DUOX1: variants seen among roughly 807,000 people sequenced by gnomAD.
DUOX1 encodes the protein NADPH thyroid oxidase 1.
DUOX1 carries 134 observed loss-of-function variants against 181.8 expected under a neutral mutation model. The observed-to-expected ratio is 0.74, with a 90% CI of 0.64 to 0.85. The LOEUF is 0.85. Ranked by LOEUF, DUOX1 falls within the 40% of genes least tolerant of loss-of-function variation. DUOX1 has a pLI of 0.00. For missense variants in DUOX1, 1,814 were observed against 2,064.4 expected (o/e 0.88, Z 2.35); for synonymous variants, 798 against 832.5 (o/e 0.96, Z 0.71).
chr15:45,141,930 C>T, intron 14 of DUOX1, 45 bp from the exon 15 acceptor site: 1 of 1,579,572 alleles, frequency 6.3e-7, no homozygotes, highest in Non-Finnish European at 8.6e-7. Context: ...TGTGCCAGCA[C>T]CTGTGGCCCA....
rs760437400 is a variant in DUOX1, at chr15:45,162,205, G to T, written c.4090-14G>T. 4 of 1,593,872 alleles carry T rather than the reference G, an allele frequency of 2.5e-6. No individual in the cohort carries two copies. Among genetic ancestry groups the T allele is most frequent in the Non-Finnish European group, 3.4e-6 (4 of 1,168,552 alleles). On this transcript the variant is annotated splice_polypyrimidine_tract_variant and intron_variant, in intron 30 of 33. Coordinates refer to ENST00000389037, the MANE Select transcript of DUOX1 (RefSeq NM_175940.3). ...GTGGCCAAGCTTAACTGAAACCCAC[G>T]CCCCTCCCTACAGCTGTACCTTGAT...
At chr15:45,140,513 C>T (rs138598069) in intron 12 of DUOX1, 208 of 180,898 alleles carry the variant, frequency 1.1e-3, no homozygotes, top group Non-Finnish European at 1.2e-3. Flanking sequence ...TATAATCAGG[C>T]ATTTGATTAA....
chr15:45,137,770 C>T (rs1461709864), intron 9 of DUOX1, among the ~76,000 whole-genome samples, 154 bp from the exon 10 acceptor site: 1 of 152,036 alleles, frequency 6.6e-6, no homozygotes, highest in Non-Finnish European at 1.5e-5. Flanking sequence ...TTCCAAAAGT[C>T]AGACCCTCCA....
At chr15:45,156,164 C>A (rs1349900451) in intron 28 of DUOX1, among the ~76,000 whole-genome samples, 1 of 152,186 alleles carries the variant, frequency 6.6e-6, no homozygotes, top group Non-Finnish European at 1.5e-5. Context: ...AGCAGCCCTG[C>A]CAGACTGATC....
In DUOX1 at chr15:45,148,413, T is replaced by A; in HGVS notation, c.2784T>A (p.Asn928Lys). The change falls in exon 21 of 34, where the codon AAT (asparagine) becomes AAA (lysine). Residue 928 changes from asparagine to lysine, a missense_variant. Around this residue, in one of 5 missense-constraint regions of DUOX1, gnomAD observed 1,064 missense variants for 1,152.9 expected, o/e 0.92. Transcript: ENST00000389037. Reference protein sequence around the residue: ...EDFHFMLRDHNSELRFTQLCV... With the variant: ...EDFHFMLRDHKSELRFTQLCV... ...TTCACTTCATGCTGCGGGACCACAA[T>A]AGCGAGCTCCGCTTCACGCAGCTCT... 6.2e-7 allele frequency: 1 copy of A among 1,614,066 alleles called. No individual in the cohort carries two copies. Among genetic ancestry groups the A allele is most frequent in the Non-Finnish European group, 8.5e-7 (1 of 1,179,970 alleles).
chr15:45,160,798 G>A (rs777116151), intron 28 of DUOX1, 39 bp from the exon 29 acceptor site: 27 of 1,565,478 alleles, frequency 1.7e-5, no homozygotes, highest in Non-Finnish European at 2.3e-5. Context: ...TCTGCTATGG[G>A]CATCGCTAGG....
In DUOX1 at chr15:45,139,755, A is replaced by T. The variant is rs550251333; in HGVS notation, c.1389+156A>T. 9.2e-5 allele frequency: 78 copies of T among 850,620 alleles called. No individual in the cohort carries two copies. The South Asian group carries it at 1.5e-3, about 16-fold the overall frequency. The allele number at this position is 850,620 out of a possible 1,614,324, so 52.7% of individuals were successfully genotyped here. On this transcript the variant is annotated intron_variant, in intron 12 of 33. Transcript: ENST00000389037. Reference sequence around the variant, plus strand: ...ATCACTTTTCCCAATATTACATATCAGGATGAAGATTACCAGACCAGCAAG... The same window carrying T: ...ATCACTTTTCCCAATATTACATATCTGGATGAAGATTACCAGACCAGCAAG...
At position 45,135,904 on chromosome 15, in the gene DUOX1, G is replaced by A. The variant is rs1158382983; in HGVS notation, c.820G>A (p.Glu274Lys). ...CCAGCACCCAGACTGGGAGGACGAG[G>A]AGCTGTTCCAGCACGCACGCAAGAG... ...ARQHPDWEDE[E>K]LFQHARKRVI... Residue 274 changes from glutamate to lysine, a missense_variant, in exon 7 of 34, where the codon GAG becomes AAG. By Grantham distance (56) the Glu-to-Lys change is moderately conservative. Coordinates refer to ENST00000389037, the MANE Select transcript of DUOX1 (RefSeq NM_175940.3). 6.8e-7 allele frequency: 1 copy of A among 1,464,830 alleles called. No individual in the cohort carries two copies. Among genetic ancestry groups the A allele is most frequent in the Admixed American group, 2.0e-5 (1 of 48,922 alleles). 90.7% of individuals were successfully genotyped at this position (1,464,830 alleles called of 1,614,324 possible).
intron 15 of DUOX1, 100 bp from the exon 16 acceptor site, chr15:45,143,090 G>T (rs1896550219): frequency 6.0e-6 from 5 of 837,952 alleles, no homozygotes; most frequent in Non-Finnish European, 9.6e-6. Flanking sequence ...CTAGGAGGTG[G>T]GGACAATAGG....
chr15:45,141,165 C>A, intron 13 of DUOX1, 95 bp downstream of exon 13: 1 of 1,570,602 alleles, frequency 6.4e-7, no homozygotes, highest in Non-Finnish European at 8.8e-7. Context: ...CCCTTGATTC[C>A]AAGCCAGCCC....
intron 12 of DUOX1, 100 bp downstream of exon 12, chr15:45,139,699 G>A: frequency 7.7e-7 from 1 of 1,306,422 alleles, no homozygotes; most frequent in Non-Finnish European, 1.0e-6. Flanking sequence ...CAAGAGACAA[G>A]CACCTAATGG....
chr15:45,158,860 G>A (rs1897029994), intron 28 of DUOX1, among the ~76,000 whole-genome samples: 1 of 152,178 alleles, frequency 6.6e-6, no homozygotes, highest in African/African-American at 2.4e-5. Flanking sequence ...GCACATGCAT[G>A]AAATGATCAA....
Position 45,164,790 on chromosome 15 carries a change from C to T in DUOX1, c.4545C>T (p.Ile1515=), listed in dbSNP as rs367674334. ...LQEVHPQVRK[I]GVFSCGPPGM... ...TCCTCCTGCAACAGGTCCGGAAGAT[C>T]GGGGTGTTTAGCTGTGGCCCCCCTG... Residue 1515 remains isoleucine, a synonymous_variant, in exon 34 of 34, where the codon ATC becomes ATT. Transcript: ENST00000389037. 1.1e-5 allele frequency: 18 copies of T among 1,614,056 alleles called. No individual in the cohort carries two copies. Among genetic ancestry groups the T allele is most frequent in the African/African-American group, 6.7e-5 (5 of 74,930 alleles).
chr15:45,142,666 A>G (rs1424097183), intron 15 of DUOX1, among the ~76,000 whole-genome samples: 2 of 152,064 alleles, frequency 1.3e-5, no homozygotes, highest in Admixed American at 1.3e-4. Context: ...CAGAGGTTGC[A>G]GTGAGCTTAG....
intron 27 of DUOX1, chr15:45,155,515 G>A (rs1227363768): frequency 7.4e-5 from 25 of 336,052 alleles, no homozygotes; most frequent in African/African-American, 4.4e-4. Context: ...GCAGTGAGCC[G>A]AGATTGCACC....
chr15:45,137,274 C>T (rs1274273340), intron 9 of DUOX1, among the ~76,000 whole-genome samples: 3 of 141,460 alleles, frequency 2.1e-5, no homozygotes, highest in South Asian at 2.3e-4. Context: ...GCAGAAGAAT[C>T]GCTTGAACCC....
chr15:45,141,300 C>T lies in DUOX1; in HGVS notation c.1574C>T (p.Ser525Phe). Residue 525 changes from serine (S) to phenylalanine (F), a missense_variant, in exon 14 of 34, where the codon TCC (serine) becomes TTC (phenylalanine). Ser to Phe is a radical substitution (Grantham distance 155). Transcript: ENST00000389037. Reference sequence around the variant, plus strand: ...TACTTACTCCAACTTAGGCTGTTCTCCAAGAAGGAGATTGAAGAAATCCGA... The same window carrying T: ...TACTTACTCCAACTTAGGCTGTTCTTCAAGAAGGAGATTGAAGAAATCCGA... ...WFENTRNGLFSKKEIEEIRNT... is the reference protein window; with the variant it reads ...WFENTRNGLFFKKEIEEIRNT... 6.2e-7 allele frequency: 1 copy of T among 1,614,192 alleles called. No homozygotes were observed. The highest frequency in any genetic ancestry group is 8.5e-7 in the Non-Finnish European group (1 of 1,180,026).
intron 25 of DUOX1, 178 bp downstream of exon 25, chr15:45,152,694 A>G: frequency 1.5e-6 from 1 of 653,506 alleles, no homozygotes; most frequent in East Asian, 2.7e-5. Flanking sequence ...GTCACTTCCA[A>G]GTGCCTCTTC....
chr15:45,130,419 C>T (rs1896076128), intron 1 of DUOX1, among the ~76,000 whole-genome samples: 1 of 152,176 alleles, frequency 6.6e-6, no homozygotes, highest in Admixed American at 6.5e-5. Context: ...AGGATCCAAG[C>T]TTTCCCCCTC....
Sources: allele counts gnomAD v4.1 joint callset (sites outside exome capture counted in the v4.1 genomes callset), GRCh38; gene constraint gnomAD v4.1.1; regional missense constraint gnomAD v4.1.1; transcripts MANE v1.5; gene names NCBI Gene and HGNC (gene_info 2026-07-23, HGNC 2026-07-21).